MCM3: variants seen among roughly 807,000 people sequenced by gnomAD.
MCM3 encodes the protein minichromosome maintenance complex component 3.
A neutral mutation model predicts 91.3 loss-of-function variants in MCM3; 59 were observed. The ratio of observed to expected loss-of-function variants is 0.65; its 90% CI spans 0.52 to 0.80. The LOEUF (loss-of-function observed/expected upper bound fraction) is 0.80, where lower values mean the gene tolerates loss of function less well. Ranked by LOEUF, MCM3 falls within the 30% of genes least tolerant of loss-of-function variation. The pLI is 0.00. For missense variants in MCM3, 919 were observed against 1,035.4 expected, an observed-to-expected ratio of 0.89 and a Z score of 1.54; for synonymous variants, 383 against 379.6, an observed-to-expected ratio of 1.01 and a Z score of -0.10.
intron 1 of MCM3, 81 bp from the exon 2 acceptor site, chr6:52,283,487 A>G (rs1229474297): frequency 3.2e-6 from 3 of 951,924 alleles, no homozygotes; most frequent in Admixed American, 3.4e-5. Flanking sequence ...TCATAGCCAG[A>G]TAGCTAAGTC....
chr6:52,269,080 C>A lies in MCM3; in HGVS notation c.1968+6G>T. ...TCCTCTCATGCCCAGGCATCTGAATCCTCACCTTCTTAAAGTAAGCATACT... is the reference window on the plus strand; with the variant it reads ...TCCTCTCATGCCCAGGCATCTGAATACTCACCTTCTTAAAGTAAGCATACT... On this transcript the variant is annotated splice_donor_region_variant and intron_variant, in intron 13 of 16. Coordinates refer to ENST00000596288, the MANE Select transcript of MCM3 (RefSeq NM_002388.6). 1.8e-5 allele frequency: 29 copies of A among 1,608,296 alleles called. No homozygotes were observed. The highest frequency in any genetic ancestry group is 2.4e-5 in the Non-Finnish European group (28 of 1,175,528).
intron 12 of MCM3, among the ~76,000 whole-genome samples, chr6:52,270,328 CAAAAAAA>C (rs35565084): frequency 3.9e-5 from 4 of 103,464 alleles, no homozygotes; most frequent in Non-Finnish European, 7.8e-5. Flanking sequence ...GATTCCATCT[CAAAAAAA>C]AAAAAAAAAA....
intron 14 of MCM3, among the ~76,000 whole-genome samples, chr6:52,267,347 C>T (rs1764721607): frequency 1.3e-5 from 2 of 152,086 alleles, no homozygotes; most frequent in South Asian, 2.1e-4. Flanking sequence ...CCGCCTGCCT[C>T]GGCCTCCCAA....
chr6:52,282,530 A>T, intron 3 of MCM3, 123 bp downstream of exon 3: 2 of 818,188 alleles, frequency 2.4e-6, no homozygotes, highest in Non-Finnish European at 4.0e-6. Flanking sequence ...TCCAAGTTTT[A>T]CCACGTAATT....
At chr6:52,282,236 C>A in intron 3 of MCM3, 61 bp from the exon 4 acceptor site, 1 of 1,501,390 alleles carries the variant, frequency 6.7e-7, no homozygotes, top group Non-Finnish European at 9.3e-7. Flanking sequence ...CAGGTGGAAC[C>A]CAAACATATG....
At chr6:52,265,409 C>T (rs975649656) in intron 16 of MCM3, 1 of 231,728 alleles carries the variant, frequency 4.3e-6, no homozygotes, top group Non-Finnish European at 8.8e-6. Context: ...AAAATAAACA[C>T]TGTAAAAAAG....
chr6:52,268,958 G>T, intron 13 of MCM3, 128 bp downstream of exon 13: 1 of 973,554 alleles, frequency 1.0e-6, no homozygotes, highest in Non-Finnish European at 1.5e-6. Context: ...GCAGACTGAT[G>T]ACTGGAAGAC....
Position 52,283,373 on chromosome 6 carries a change from C to A in MCM3, c.112G>T (p.Glu38Ter). The A allele has an allele frequency of 6.2e-7, 1 of 1,614,218 alleles. No individual in the cohort carries two copies. Among genetic ancestry groups the A allele is most frequent in the Non-Finnish European group, 8.5e-7 (1 of 1,180,028 alleles). ...DQGIYQSKVRELISDNQYRLI... is the reference protein window; with the variant it reads ...DQGIYQSKVR ...CGGTATTGGTTGTCACTGATCAGCT[C>A]CCGAACTTTGCTCTGATAAATTCCC... Residue 38 changes from glutamate to a stop codon, truncating the protein, a stop_gained, in exon 2 of 17, where the codon GAG (glutamate) becomes TAG (stop). Transcript: ENST00000596288. LOFTEE classifies it high-confidence loss of function.
intron 11 of MCM3, among the ~76,000 whole-genome samples, chr6:52,272,684 A>G (rs1765240130): frequency 6.6e-6 from 1 of 152,214 alleles, no homozygotes; most frequent in African/African-American, 2.4e-5. Flanking sequence ...TATTTGCTCT[A>G]TTTTGTAGGT....
intron 11 of MCM3, among the ~76,000 whole-genome samples, chr6:52,272,857 A>C (rs1765250376): frequency 6.6e-6 from 1 of 152,232 alleles, no homozygotes; most frequent in Admixed American, 6.5e-5. Flanking sequence ...GCACCTGATC[A>C]CACGTCTCCT....
At chr6:52,282,011 C>T in intron 4 of MCM3, 34 bp downstream of exon 4, 1 of 1,610,952 alleles carries the variant, frequency 6.2e-7, no homozygotes, top group Non-Finnish European at 8.5e-7. Flanking sequence ...TGATTCCAAC[C>T]TCCAAGACAG....
At chr6:52,275,004 T>C (rs1276349689) in intron 9 of MCM3, among the ~76,000 whole-genome samples, 1 of 152,116 alleles carries the variant, frequency 6.6e-6, no homozygotes. Flanking sequence ...GCTCAAGTGA[T>C]CCTCCCACCT....
chr6:52,265,263 A>G lies in MCM3; in HGVS notation c.2229-477T>C, dbSNP rs1266341493. On this transcript the variant is annotated intron_variant, in intron 16 of 16. Coordinates refer to ENST00000596288, the MANE Select transcript of MCM3 (RefSeq NM_002388.6). ...GGAAACCCTGCAGTCATTAAAAAGA[A>G]TGAGATCAAACAAGCACAGTGGCTT... 4 of 435,550 alleles carry G rather than the reference A, an allele frequency of 9.2e-6. No individual in the cohort carries two copies. The East Asian group carries it at 2.2e-4, about 24-fold the overall frequency. 27.0% of individuals were successfully genotyped at this position (435,550 alleles called of 1,614,324 possible).
Position 52,266,656 on chromosome 6 carries a change from A to G in MCM3, c.2113T>C (p.Tyr705His). Reference protein sequence around the residue: ...RQPDAKDGDSYDPYDFSDTEE... With the variant: ...RQPDAKDGDSHDPYDFSDTEE... Reference sequence around the variant, plus strand: ...GTGTCACTGAAGTCATAGGGGTCGTATGAATCCCCATCTTTGGCATCTGGC... The same window carrying G: ...GTGTCACTGAAGTCATAGGGGTCGTGTGAATCCCCATCTTTGGCATCTGGC... Residue 705 changes from tyrosine (Y) to histidine (H), a missense_variant, in exon 15 of 17, where the codon TAC becomes CAC. Physicochemically the swap from Tyr to His is moderately conservative, Grantham distance 83. This residue lies in a region of MCM3 where 285 missense variants were observed against 311.4 expected (regional missense o/e 0.92). Coordinates refer to ENST00000596288, the MANE Select transcript of MCM3 (RefSeq NM_002388.6). 1 of 1,614,216 alleles carries G rather than the reference A, an allele frequency of 6.2e-7. No homozygotes were observed. The highest frequency in any genetic ancestry group is 8.5e-7 in the Non-Finnish European group (1 of 1,180,030).
chr6:52,270,787 G>A (rs1375250758), intron 12 of MCM3, among the ~76,000 whole-genome samples: 2 of 152,212 alleles, frequency 1.3e-5, no homozygotes, highest in Non-Finnish European at 2.9e-5. Context: ...GCTGTTTAAT[G>A]AGGAAGACAG....
At chr6:52,271,462 G>A (rs901757970) in intron 12 of MCM3, among the ~76,000 whole-genome samples, 6 of 152,146 alleles carry the variant, frequency 3.9e-5, no homozygotes, top group Non-Finnish European at 5.9e-5. Flanking sequence ...GACCAACATG[G>A]AGAAACCTGG....
rs1161569997 is a variant in MCM3, at chr6:52,279,533, T to A, written c.598A>T (p.Thr200Ser). ...LSVYKDHQTI[T>S]IQEMPEKAPA... Reference sequence around the variant, plus strand: ...GCCTTCTCCGGCATCTCCTGGATGGTGATGGTCTGGTGATCCTTGTAGACA... The same window carrying A: ...GCCTTCTCCGGCATCTCCTGGATGGAGATGGTCTGGTGATCCTTGTAGACA... Residue 200 changes from threonine to serine, a missense_variant, in exon 5 of 17, where the codon ACC becomes TCC. Around this residue, in one of 3 missense-constraint regions of MCM3, gnomAD observed 401 missense variants for 402.7 expected, o/e 1.00. Transcript: ENST00000596288. 4.3e-6 allele frequency: 7 copies of A among 1,614,022 alleles called. No homozygotes were observed. The highest frequency in any genetic ancestry group is 5.9e-6 in the Non-Finnish European group (7 of 1,180,034).
At chr6:52,279,960 T>A (rs1449957270) in intron 4 of MCM3, among the ~76,000 whole-genome samples, 1 of 152,222 alleles carries the variant, frequency 6.6e-6, no homozygotes, top group African/African-American at 2.4e-5. Flanking sequence ...ACATTATGCC[T>A]AGTAGTCAAA....
At chr6:52,276,204 A>T in intron 9 of MCM3, 64 bp downstream of exon 9, 1 of 1,451,898 alleles carries the variant, frequency 6.9e-7, no homozygotes, top group South Asian at 1.2e-5. Context: ...TACACTTCTC[A>T]GCCCAGTTAG....
Sources: gnomAD v4.1 joint callset for allele counts (sites outside exome capture counted in the v4.1 genomes callset) on GRCh38, gnomAD v4.1.1 for gene constraint, gnomAD v4.1.1 regional missense constraint, MANE v1.5 for transcripts, NCBI Gene and HGNC (gene_info 2026-07-23, HGNC 2026-07-21) for gene names.